Variants in COL6A5 observed in about 807,000 individuals in gnomAD.
COL6A5 encodes collagen alpha-5(VI) chain.
In COL6A5, 48 loss-of-function variants were observed where a neutral mutation model predicts 65.6. The ratio of observed to expected loss-of-function variants is 0.73; its 90% confidence interval spans 0.58 to 0.93. COL6A5 has a LOEUF of 0.93. COL6A5 is among the 40% of genes least tolerant of loss of function. COL6A5 has a pLI of 0.00. For synonymous variants in COL6A5, 291 were observed against 322.8 expected (o/e 0.90, Z 1.05); for missense variants, 914 against 928.3 (o/e 0.98, Z 0.20).
chr3:130,454,765 T>C (rs1281302863), intron 4 of COL6A5, among the ~76,000 whole-genome samples: 1 of 152,190 alleles, frequency 6.6e-6, no homozygotes, highest in African/African-American at 2.4e-5. Context: ...AAGTATTTTC[T>C]GCATTTTCCA....
At chr3:130,405,721 C>T in intron 14 of COL6A5, 62 bp downstream of exon 14, 1 of 1,290,752 alleles carries the variant, frequency 7.7e-7, no homozygotes, top group East Asian at 2.5e-5. Flanking sequence ...TCTCTTTCCC[C>T]ATTCCTTTCC....
intron 5 of COL6A5, among the ~76,000 whole-genome samples, chr3:130,459,374 G>A (rs575302350): frequency 7.9e-5 from 12 of 151,996 alleles, no homozygotes; most frequent in Admixed American, 1.3e-4. Context: ...TGAATTAATC[G>A]TAAGATAATA....
intron 10 of COL6A5, among the ~76,000 whole-genome samples, chr3:130,399,708 A>G (rs1936748822): frequency 6.7e-6 from 1 of 149,984 alleles, no homozygotes; most frequent in Admixed American, 6.7e-5. Context: ...GGCATATGAA[A>G]CTATTTTTTC....
chr3:130,355,636 T>C (rs949588895), intron 1 of COL6A5, among the ~76,000 whole-genome samples: 5 of 151,866 alleles, frequency 3.3e-5, no homozygotes, highest in East Asian at 1.9e-4. Context: ...AAAAAATATA[T>C]ATACCCACAC....
chr3:130,473,141 A>G (rs1710001711), intron 7 of COL6A5, among the ~76,000 whole-genome samples: 1 of 151,970 alleles, frequency 6.6e-6, no homozygotes, highest in Non-Finnish European at 1.5e-5. Flanking sequence ...TTTTGTTTCA[A>G]AATGGAATAG....
At chr3:130,371,743 A>C (rs1419997592) in intron 1 of COL6A5, among the ~76,000 whole-genome samples, 1 of 152,104 alleles carries the variant, frequency 6.6e-6, no homozygotes, top group African/African-American at 2.4e-5. Context: ...CATACAAGTA[A>C]CTCTTCATGA....
chr3:130,455,727 A>G, intron 5 of COL6A5, 61 bp downstream of exon 37: 2 of 1,320,476 alleles, frequency 1.5e-6, no homozygotes, highest in Admixed American at 2.1e-5. Context: ...ATCTTTTAAC[A>G]CTAGTAGAAA....
At chr3:130,439,607 T>A (rs1033277509) in exon 2 of COL6A5, 2 of 1,550,370 alleles carry the variant, frequency 1.3e-6, no homozygotes, top group Middle Eastern at 1.7e-4. Context: ...CGCTGTGCAC[T>A]TTGCTATGGT....
intron 7 of COL6A5, chr3:130,476,898 C>T: frequency 1.4e-6 from 1 of 693,070 alleles, no homozygotes; most frequent in Non-Finnish European, 2.6e-6. Context: ...TAGCCAGCAG[C>T]TTGGGTTAGT....
chr3:130,398,879 C>T (rs984653234), intron 10 of COL6A5, among the ~76,000 whole-genome samples: 1 of 152,200 alleles, frequency 6.6e-6, no homozygotes, highest in Non-Finnish European at 1.5e-5. Flanking sequence ...CTTCCCTTTT[C>T]TGCTCTCTCA....
chr3:130,440,042 A>C, intron 2 of COL6A5, 124 bp from the exon 35 acceptor site: 1 of 793,850 alleles, frequency 1.3e-6, no homozygotes, highest in East Asian at 2.7e-5. Context: ...ATTATGTGAG[A>C]TCAAAGAGAT....
intron 4 of COL6A5, among the ~76,000 whole-genome samples, chr3:130,454,001 A>C (rs1251608056): frequency 6.6e-6 from 1 of 152,192 alleles, no homozygotes; most frequent in African/African-American, 2.4e-5. Context: ...AATAAATCAT[A>C]AAGTCATTTA....
chr3:130,422,632 C>T (rs1937537483), intron 27 of COL6A5, 88 bp from the exon 28 acceptor site: 1 of 783,394 alleles, frequency 1.3e-6, no homozygotes, highest in Non-Finnish European at 2.1e-6. Flanking sequence ...GTCATAATAT[C>T]AATCAAGTTT....
intron 4 of COL6A5, among the ~76,000 whole-genome samples, chr3:130,380,795 C>G (rs535596468): frequency 1.3e-5 from 2 of 152,054 alleles, no homozygotes; most frequent in East Asian, 3.9e-4. Context: ...TGGGTGTGAC[C>G]AACAGAAGAA....
At chr3:130,350,153 G>A (rs888845807) in intron 1 of COL6A5, among the ~76,000 whole-genome samples, 14 of 152,102 alleles carry the variant, frequency 9.2e-5, no homozygotes, top group African/African-American at 3.4e-4. Context: ...TAGGAGTTCT[G>A]TTAATATAGA....
At chr3:130,406,152 A>ATTGATGGAC (rs1936985323) in exon 16 of COL6A5, 9 of 1,550,546 alleles carry the variant, frequency 5.8e-6, no homozygotes, top group Non-Finnish European at 7.9e-6. Flanking sequence ...AGACGATGGG[A>ATTGATGGAC]TTGATGGACT....
At chr3:130,470,209 T>G (rs145077341) in intron 6 of COL6A5, among the ~76,000 whole-genome samples, 15 of 152,230 alleles carry the variant, frequency 9.9e-5, no homozygotes, top group Admixed American at 2.6e-4. Flanking sequence ...CCATGTGTTA[T>G]GACTTTAGAC....
chr3:130,373,021 C>G (rs2107634413), intron 1 of COL6A5, among the ~76,000 whole-genome samples: 1 of 152,224 alleles, frequency 6.6e-6, no homozygotes, highest in African/African-American at 2.4e-5. Flanking sequence ...AAAACCAAAC[C>G]TAAGGTAGTT....
chr3:130,415,131 C>T (rs1937301712), intron 22 of COL6A5, among the ~76,000 whole-genome samples: 1 of 152,098 alleles, frequency 6.6e-6, no homozygotes. Flanking sequence ...AACGTTACTG[C>T]CACCTCTAGT....
Sources: allele counts gnomAD v4.1 joint callset (sites outside exome capture counted in the v4.1 genomes callset), GRCh38; gene constraint gnomAD v4.1.1; transcripts MANE v1.5; gene names NCBI Gene and HGNC (gene_info 2026-07-23, HGNC 2026-07-21).